The following UGT1A7 variants were observed in gnomAD, a reference collection of about 807,000 sequenced individuals.
UGT1A7 encodes UDP-glucuronosyltransferase 1A7.
UGT1A7 carries 33 observed loss-of-function variants against 45.6 expected under a neutral mutation model. The observed-to-expected ratio is 0.72, with a 90% CI of 0.55 to 0.97. The LOEUF is 0.97. UGT1A7 is among the 50% of genes least tolerant of loss of function. UGT1A7 has a pLI of 0.00. For missense variants in UGT1A7, 684 were observed against 666.2 expected, an observed-to-expected ratio of 1.03 and a Z score of -0.29; for synonymous variants, 274 against 250.6, an observed-to-expected ratio of 1.09 and a Z score of -0.88.
At chr2:233,745,046 G>GT (rs1692997137) in intron 1 of UGT1A7, among the ~76,000 whole-genome samples, 1 of 151,780 alleles carries the variant, frequency 6.6e-6, no homozygotes, top group Admixed American at 6.6e-5. Flanking sequence ...TACAGTATTG[G>GT]TTTTTTATTT....
chr2:233,708,950 T>G (rs566854735), intron 1 of UGT1A7, among the ~76,000 whole-genome samples: 79 of 152,176 alleles, frequency 5.2e-4, no homozygotes, highest in Non-Finnish European at 9.3e-4. Context: ...AGAACCCATT[T>G]ATATGTTTCC....
chr2:233,760,308 C>T lies in UGT1A7; in HGVS notation c.856-6726C>T, dbSNP rs780253764. Reference sequence around the variant, plus strand: ...GCGCCATGGCTGTGGAGTCCCAGGGCGGACGCCCACTTGTCCTGGGCCTGC... The same window carrying T: ...GCGCCATGGCTGTGGAGTCCCAGGGTGGACGCCCACTTGTCCTGGGCCTGC... On this transcript the variant is annotated intron_variant, in intron 1 of 4. Transcript: ENST00000373426. 9.9e-6 allele frequency: 16 copies of T among 1,613,678 alleles called. No homozygotes were observed. The highest frequency in any genetic ancestry group is 1.7e-5 in the Admixed American group (1 of 60,028).
At chr2:233,682,873 A>T (rs1025684504) in intron 1 of UGT1A7, 81 bp downstream of exon 1, 1 of 1,521,660 alleles carries the variant, frequency 6.6e-7, no homozygotes, top group African/African-American at 1.4e-5. Flanking sequence ...ATAATTTATC[A>T]TTTACATTTG....
intron 1 of UGT1A7, chr2:233,730,108 C>T (rs1261016305): frequency 1.3e-6 from 2 of 1,570,456 alleles, no homozygotes; most frequent in Non-Finnish European, 1.7e-6. Flanking sequence ...TTCATTTCTG[C>T]TTCTCCTTGT....
In UGT1A7 at chr2:233,705,292, T is replaced by C. The variant is rs116122647; in HGVS notation, c.855+22500T>C. On this transcript the variant is annotated intron_variant, in intron 1 of 4. Coordinates refer to ENST00000373426, the MANE Select transcript of UGT1A7 (RefSeq NM_019077.3). Reference sequence around the variant, plus strand: ...TGCTTTCAACCTGAAGAACTTCCTTTAGTATTTCTTGTAAGTTGAGTTTTT... The same window carrying C: ...TGCTTTCAACCTGAAGAACTTCCTTCAGTATTTCTTGTAAGTTGAGTTTTT... Among the ~76,000 whole-genome samples the C allele has an allele frequency of 8.8e-3, 1,348 of 152,332 alleles. 24 individuals are homozygous for C. Among genetic ancestry groups the C allele is most frequent in the African/African-American group, 0.031 (1,278 of 41,568 alleles).
In UGT1A7 at chr2:233,723,244, C is replaced by T. The variant is rs1231451860; in HGVS notation, c.855+40452C>T. On this transcript the variant is annotated intron_variant, in intron 1 of 4. Transcript: ENST00000373426. ...TTTTTTTTTTTGAGTTGGAGTCCTG[C>T]TGTCACCCAGGCTGGAGTGCAATGG... Among the ~76,000 whole-genome samples the T allele has an allele frequency of 1.8e-5, 2 of 112,620 alleles. 1 individual carries two copies. Among genetic ancestry groups the T allele is most frequent in the East Asian group, 4.7e-4 (2 of 4,276 alleles). 73.9% of individuals were successfully genotyped at this position (112,620 alleles called of 152,430 possible).
chr2:233,735,863 T>C (rs1339827457), intron 1 of UGT1A7, among the ~76,000 whole-genome samples: 2 of 151,778 alleles, frequency 1.3e-5, no homozygotes, highest in Non-Finnish European at 2.9e-5. Context: ...CTTGTAGGGT[T>C]TCTGCAGAGA....
intron 1 of UGT1A7, chr2:233,717,765 A>G (rs542569654): frequency 6.4e-5 from 29 of 456,606 alleles, no homozygotes; most frequent in African/African-American, 5.0e-4. Flanking sequence ...AAAGGCACAC[A>G]TTTAATTCTC....
chr2:233,695,036 G>A (rs2075254966), intron 1 of UGT1A7, among the ~76,000 whole-genome samples: 1 of 151,854 alleles, frequency 6.6e-6, no homozygotes, highest in Non-Finnish European at 1.5e-5. Flanking sequence ...ATACATTCTT[G>A]TTAACCATAG....
chr2:233,712,866 G>A (rs1236935374), intron 1 of UGT1A7: 3 of 1,573,916 alleles, frequency 1.9e-6, no homozygotes, highest in African/African-American at 1.4e-5. Flanking sequence ...CTGGAGGAGG[G>A]CACTCTGTCT....
intron 1 of UGT1A7, among the ~76,000 whole-genome samples, chr2:233,715,363 T>C (rs142199192): frequency 1.3e-5 from 2 of 150,268 alleles, no homozygotes; most frequent in African/African-American, 4.9e-5. Context: ...TTGAGACTTA[T>C]ATTTTCTTCA....
At chr2:233,713,162 G>GGTGGT (rs776401165) in intron 1 of UGT1A7, 1 of 1,614,256 alleles carries the variant, frequency 6.2e-7, no homozygotes, top group Non-Finnish European at 8.5e-7. Flanking sequence ...GAGGCCACCA[G>GGTGGT]GTGGTGGTCC....
In UGT1A7 at chr2:233,772,898, G is replaced by C. The variant is rs1042640; in HGVS notation, c.*339G>C. 367,954 of 456,154 alleles carry C rather than the reference G, an allele frequency of 0.81. 148,868 individuals are homozygous for C. Among genetic ancestry groups the C allele is most frequent in the East Asian group, 0.89 (15,034 of 16,914 alleles). The allele number at this position is 456,154 out of a possible 1,614,324, so 28.3% of individuals were successfully genotyped here. On this transcript the variant is annotated 3_prime_UTR_variant, in exon 5 of 5. Coordinates refer to ENST00000373426, the MANE Select transcript of UGT1A7 (RefSeq NM_019077.3). ...GTGCGGGATTCAAAGGTGGTCCCACGGCTGCCCCTACTGCAAATGGCAGTT... is the reference window on the plus strand; with the variant it reads ...GTGCGGGATTCAAAGGTGGTCCCACCGCTGCCCCTACTGCAAATGGCAGTT...
In UGT1A7 at chr2:233,767,873, C is replaced by G. The variant is rs72551349; in HGVS notation, c.1012C>G (p.Arg338Gly). ...QTVLWRYTGT[R>G]PSNLANNTIL... is the part of the protein sequence containing the mutation. ...GGTCCTGTGGCGGTACACTGGAACC[C>G]GACCATCGAATCTTGCGAACAACAC... The change falls in exon 3 of 5, where the codon CGA becomes GGA. Residue 338 changes from arginine to glycine, a missense_variant. Arg to Gly is a moderately radical substitution (Grantham distance 125, BLOSUM62 -2). Coordinates refer to ENST00000373426, the MANE Select transcript of UGT1A7 (RefSeq NM_019077.3). 2 of 1,614,156 alleles carry G rather than the reference C, an allele frequency of 1.2e-6. No individual in the cohort carries two copies. The highest frequency in any genetic ancestry group is 1.7e-5 in the Admixed American group (1 of 60,012).
At chr2:233,758,733 C>T (rs1161987353) in intron 1 of UGT1A7, among the ~76,000 whole-genome samples, 1 of 152,140 alleles carries the variant, frequency 6.6e-6, no homozygotes, top group African/African-American at 2.4e-5. Context: ...TAAGCACATC[C>T]CCAAGTATGG....
chr2:233,747,263 T>C (rs1693601928), intron 1 of UGT1A7: 3 of 1,599,140 alleles, frequency 1.9e-6, no homozygotes, highest in East Asian at 2.2e-5. Context: ...ACAGGAGTGC[T>C]ACTCCTTCTC....
intron 1 of UGT1A7, chr2:233,718,134 G>A: frequency 3.8e-6 from 1 of 266,146 alleles, no homozygotes; most frequent in East Asian, 8.0e-5. Flanking sequence ...TGTAGATGGA[G>A]AATCCTCAAT....
intron 1 of UGT1A7, chr2:233,692,853 GT>G: frequency 1.4e-6 from 2 of 1,463,024 alleles, no homozygotes; most frequent in Non-Finnish European, 1.8e-6. Flanking sequence ...ATTAATTTGG[GT>G]TCTTACATAT....
At position 233,767,069 on chromosome 2, in the gene UGT1A7, T is replaced by C. The variant is rs778321344; in HGVS notation, c.891T>C (p.His297=). 42 of 1,614,040 alleles carry C rather than the reference T, an allele frequency of 2.6e-5. No homozygotes were observed. The highest frequency in any genetic ancestry group is 3.4e-5 in the Non-Finnish European group (40 of 1,180,020). The change falls in exon 2 of 5, where the codon CAT becomes CAC. Residue 297 remains histidine, a synonymous_variant. Transcript: ENST00000373426. ...CCTACATTAATGCTTCTGGAGAACA[T>C]GGAATTGTGGTTTTCTCTTTGGGAT... is the stretch of plus-strand genomic sequence containing the variant. ...FEAYINASGE[H]GIVVFSLGSM...
Sources: gnomAD v4.1 joint callset for allele counts (sites outside exome capture counted in the v4.1 genomes callset) on GRCh38, gnomAD v4.1.1 for gene constraint, MANE v1.5 for transcripts, NCBI Gene and HGNC (gene_info 2026-07-23, HGNC 2026-07-21) for gene names.